Variants in POLN observed in about 807,000 individuals in gnomAD.
The protein encoded by POLN is DNA polymerase N.
A neutral mutation model predicts 113.5 loss-of-function variants in POLN; 108 were observed. The ratio of observed to expected loss-of-function variants is 0.95; its 90% confidence interval spans 0.81 to 1.12. POLN has a LOEUF of 1.12. POLN is among the 50% of genes most tolerant of loss of function. POLN has a pLI of 0.00. For synonymous variants in POLN, 386 were observed against 391.5 expected, an observed-to-expected ratio of 0.99 and a Z score of 0.17; for missense variants, 1,097 against 1,077.1, an observed-to-expected ratio of 1.02 and a Z score of -0.26.
At chr4:2,236,403 T>C (rs747337817) in intron 2 of POLN, 1 of 1,613,780 alleles carries the variant, frequency 6.2e-7, no homozygotes, top group Non-Finnish European at 8.5e-7. Context: ...AAGGTTTCCA[T>C]GAGTTAGAAA....
At chr4:2,087,425 C>T (rs1287819877) in intron 20 of POLN, among the ~76,000 whole-genome samples, 1 of 152,202 alleles carries the variant, frequency 6.6e-6, no homozygotes, top group African/African-American at 2.4e-5. Flanking sequence ...GCCAGATACA[C>T]AAGGCTGGCC....
chr4:2,228,912 T>C, intron 3 of POLN, 187 bp downstream of exon 3: 1 of 468,308 alleles, frequency 2.1e-6, no homozygotes, highest in Admixed American at 4.0e-5. Context: ...TGTTACATTT[T>C]TAAAGCAATG....
intron 20 of POLN, chr4:2,090,230 C>T: frequency 1.2e-6 from 1 of 809,490 alleles, no homozygotes; most frequent in Non-Finnish European, 2.0e-6. Context: ...CATTCTTGTC[C>T]TTCAAATTCT....
chr4:2,150,436 A>T (rs1029111660), intron 16 of POLN, among the ~76,000 whole-genome samples: 2 of 152,194 alleles, frequency 1.3e-5, no homozygotes. Flanking sequence ...GGTAATCCCA[A>T]TGAAAATCTC....
At chr4:2,150,358 A>C (rs1732261599) in intron 16 of POLN, among the ~76,000 whole-genome samples, 1 of 152,106 alleles carries the variant, frequency 6.6e-6, no homozygotes, top group African/African-American at 2.4e-5. Flanking sequence ...GAACAATACC[A>C]GGGATAAAAA....
In POLN at chr4:2,126,354, C is replaced by T. The variant is rs1173844433; in HGVS notation, c.1982+1759G>A. On this transcript the variant is annotated intron_variant, in intron 19 of 25. Coordinates refer to ENST00000511885, the MANE Select transcript of POLN (RefSeq NM_181808.4). The surrounding 1 kb of genome is among the most constrained non-coding windows in gnomAD (Gnocchi z 4.6). ...TCAAGTAAGAGTCCTGTGGTGGTAG[C>T]CTTTTTGGAGAGATTTTCTGATTCA... 1.3e-5 allele frequency among the ~76,000 whole-genome samples: 2 copies of T among 152,158 alleles called. No homozygotes were observed. Among genetic ancestry groups the T allele is most frequent in the Non-Finnish European group, 2.9e-5 (2 of 68,018 alleles).
At chr4:2,171,513 A>T (rs1264845711) in intron 11 of POLN, among the ~76,000 whole-genome samples, 1 of 152,092 alleles carries the variant, frequency 6.6e-6, no homozygotes. Context: ...GTGAGTTATA[A>T]CTGTGCCATT....
chr4:2,187,552 GA>G (rs1235707841), intron 7 of POLN, among the ~76,000 whole-genome samples: 1 of 151,904 alleles, frequency 6.6e-6, no homozygotes, highest in African/African-American at 2.4e-5. Flanking sequence ...CCCAAATCTT[GA>G]GAAAGATATA....
intron 13 of POLN, among the ~76,000 whole-genome samples, chr4:2,168,601 G>A (rs1732786519): frequency 6.6e-6 from 1 of 152,244 alleles, no homozygotes; most frequent in African/African-American, 2.4e-5. Context: ...ACTGTTGGTT[G>A]TCTGGAGAGG....
At chr4:2,186,418 G>A (rs1733274574) in intron 7 of POLN, among the ~76,000 whole-genome samples, 1 of 152,100 alleles carries the variant, frequency 6.6e-6, no homozygotes, top group African/African-American at 2.4e-5. Flanking sequence ...CATCCTACAG[G>A]TCCCCTGGGC....
chr4:2,177,093 C>T lies in POLN; in HGVS notation c.1180-759G>A, dbSNP rs191637653. ...CTCCTGTGAATGTTGGGAGAACATC[C>T]TACAGAAGAGTCCCTCCATGTCAAG... is the stretch of plus-strand genomic sequence containing the variant. On this transcript the variant is annotated intron_variant, in intron 8 of 25. Transcript: ENST00000511885. 5.0e-4 allele frequency among the ~76,000 whole-genome samples: 76 copies of T among 152,256 alleles called. No individual in the cohort carries two copies. In the East Asian group the frequency reaches 0.011, roughly 22 times the overall value.
At chr4:2,229,396 T>C (rs1734496827) in intron 2 of POLN, 153 bp from the exon 3 acceptor site, 4 of 595,232 alleles carry the variant, frequency 6.7e-6, no homozygotes, top group Non-Finnish European at 1.1e-5. Context: ...CATCCAATAA[T>C]ATAGATAGAA....
At chr4:2,158,653 C>T (rs1369949599) in intron 14 of POLN, among the ~76,000 whole-genome samples, 2 of 152,108 alleles carry the variant, frequency 1.3e-5, no homozygotes, top group Admixed American at 6.6e-5. Context: ...AAGCTATAAA[C>T]GTGGTTCACA....
intron 11 of POLN, 116 bp from the exon 12 acceptor site, chr4:2,171,297 G>A (rs2108747227): frequency 1.2e-6 from 1 of 828,416 alleles, no homozygotes. Context: ...TTATGCCTGT[G>A]ATACCAGCCC....
In POLN at chr4:2,179,416, A is replaced by G; in HGVS notation, c.1071T>C (p.Asp357=). 1 of 1,613,896 alleles carries G rather than the reference A, an allele frequency of 6.2e-7. No homozygotes were observed. The highest frequency in any genetic ancestry group is 8.5e-7 in the Non-Finnish European group (1 of 1,179,794). ...LDPRIAAWLI[D]PSDATPSFED... ...CAAAAGAGGGTGTGGCATCACTAGG[A>G]TCTATAAGCCATGCAGCAATTCTGG... Residue 357 remains aspartate (D), a synonymous_variant, in exon 8 of 26, where the codon GAT becomes GAC. Transcript: ENST00000511885.
chr4:2,223,081 C>G (rs1222635237), intron 3 of POLN, among the ~76,000 whole-genome samples: 2 of 152,122 alleles, frequency 1.3e-5, no homozygotes, highest in Non-Finnish European at 2.9e-5. Flanking sequence ...CCTGGGGAAG[C>G]TGAAATGTGA....
chr4:2,146,667 A>G (rs1437611301), intron 16 of POLN, among the ~76,000 whole-genome samples: 1 of 152,190 alleles, frequency 6.6e-6, no homozygotes, highest in Non-Finnish European at 1.5e-5. Flanking sequence ...CAGGGGGCTG[A>G]ACAAGGCTTT....
intron 2 of POLN, chr4:2,240,114 T>C: frequency 6.2e-7 from 1 of 1,614,054 alleles, no homozygotes; most frequent in Non-Finnish European, 8.5e-7. Context: ...TGCTTTTAAG[T>C]GAATTAACTG....
chr4:2,181,302 G>A (rs1733135811), intron 7 of POLN, among the ~76,000 whole-genome samples: 1 of 151,934 alleles, frequency 6.6e-6, no homozygotes, highest in African/African-American at 2.4e-5. Context: ...CCACCACCAT[G>A]CCCAGCTAAT....
Sources: gnomAD v4.1 joint callset for allele counts (sites outside exome capture counted in the v4.1 genomes callset) on GRCh38, gnomAD v4.1.1 for gene constraint, Gnocchi (gnomAD v3.1) non-coding constraint, MANE v1.5 for transcripts, NCBI Gene and HGNC (gene_info 2026-07-23, HGNC 2026-07-21) for gene names.